The following FNDC3A variants were observed in gnomAD, a reference collection of about 807,000 sequenced individuals.
FNDC3A encodes the protein fibronectin type III domain containing 3A.
A neutral mutation model predicts 148.9 loss-of-function variants in FNDC3A; 32 were observed. The ratio of observed to expected loss-of-function variants is 0.21; its 90% CI spans 0.16 to 0.29. The LOEUF (loss-of-function observed/expected upper bound fraction) is 0.29, where lower values mean the gene tolerates loss of function less well. Among genes scored for constraint, FNDC3A ranks in the 10% least tolerant of loss-of-function variants. The probability of loss-of-function intolerance (pLI) is 1.00; values close to 1 mark genes in which losing one functional copy is unlikely to be tolerated. For missense variants in FNDC3A, 1,191 were observed against 1,452.8 expected (o/e 0.82, Z 2.93); for synonymous variants, 472 against 473.6 (o/e 1.00, Z 0.04).
chr13:49,061,273 C>G (rs986443309), intron 2 of FNDC3A, among the ~76,000 whole-genome samples: 3 of 150,664 alleles, frequency 2.0e-5, no homozygotes, highest in Admixed American at 1.3e-4. Context: ...GCATGCTTGG[C>G]TTTTTCTTTT....
intron 2 of FNDC3A, among the ~76,000 whole-genome samples, chr13:49,033,562 A>G (rs1284406024): frequency 1.3e-5 from 2 of 152,112 alleles, no homozygotes; most frequent in Non-Finnish European, 2.9e-5. Flanking sequence ...ATTGAAACAA[A>G]TTAGAATAGA....
chr13:49,114,106 C>G (rs1353140004), intron 3 of FNDC3A, among the ~76,000 whole-genome samples: 1 of 152,100 alleles, frequency 6.6e-6, no homozygotes, highest in Non-Finnish European at 1.5e-5. Context: ...ATGAGTCACA[C>G]ATTACACAAG....
At chr13:48,989,034 G>A (rs549465758) in intron 1 of FNDC3A, among the ~76,000 whole-genome samples, 108 of 152,276 alleles carry the variant, frequency 7.1e-4, no homozygotes, top group African/African-American at 2.4e-3. Flanking sequence ...AGGGCCAGAA[G>A]AAGTGCCTGT....
rs769217943 is a variant in FNDC3A, at chr13:48,981,480, C to CT, written c.-40+5316dup. 3.9e-3 allele frequency among the ~76,000 whole-genome samples: 550 copies of CT among 142,802 alleles called. 1 individual carries two copies. Among genetic ancestry groups the CT allele is most frequent in the African/African-American group, 0.012 (455 of 39,066 alleles). The allele number at this position is 142,802 out of a possible 152,430, so 93.7% of individuals were successfully genotyped here. On this transcript the variant is annotated intron_variant, in intron 1 of 25. Coordinates refer to ENST00000492622, the MANE Select transcript of FNDC3A (RefSeq NM_001079673.2). ...GCTACTATATTGGAAGCAATGCAGC[C>CT]TTTTTTTTTTTTTAAGACCAGAGTT... is the stretch of plus-strand genomic sequence containing the variant.
chr13:49,153,289 ATG>A (rs1883437924), intron 8 of FNDC3A, among the ~76,000 whole-genome samples: 1 of 151,826 alleles, frequency 6.6e-6, no homozygotes. Context: ...GCATTTTTTC[ATG>A]TGTTTTTTGG....
chr13:49,063,157 A>G lies in FNDC3A; in HGVS notation c.100-12132A>G, dbSNP rs148052757. Among the ~76,000 whole-genome samples, 30 of 152,244 alleles carry G rather than the reference A, an allele frequency of 2.0e-4. No individual in the cohort carries two copies. In the East Asian group the frequency reaches 4.0e-3, roughly 21 times the overall value. ...AACATTTCTTGCTTAACTGTACTAC[A>G]TTGCTAAGCACTGTGGGAGAATATA... On this transcript the variant is annotated intron_variant, in intron 2 of 25. Transcript: ENST00000492622.
At position 49,012,917 on chromosome 13, in the gene FNDC3A, A is replaced by C. The variant is rs74860152; in HGVS notation, c.99+6628A>C. ...CTTCAATATCCAGCAACCTTGCTATACTCTTACTCATTTTGAGACTTGTTC... is the reference window on the plus strand; with the variant it reads ...CTTCAATATCCAGCAACCTTGCTATCCTCTTACTCATTTTGAGACTTGTTC... On this transcript the variant is annotated intron_variant, in intron 2 of 25. Transcript: ENST00000492622. Among the ~76,000 whole-genome samples the C allele has an allele frequency of 6.6e-5, 10 of 151,278 alleles. No individual in the cohort carries two copies. The East Asian group carries it at 2.0e-3, about 30-fold the overall frequency.
chr13:49,086,490 C>T (rs965945961), intron 3 of FNDC3A, among the ~76,000 whole-genome samples: 6 of 152,066 alleles, frequency 3.9e-5, no homozygotes, highest in African/African-American at 4.8e-5. Flanking sequence ...TTTAATAATA[C>T]GGAGATTGAT....
chr13:49,186,060 G>A lies in FNDC3A; in HGVS notation c.1714G>A (p.Val572Met). 6.2e-7 allele frequency: 1 copy of A among 1,613,152 alleles called. No individual in the cohort carries two copies. Among genetic ancestry groups the A allele is most frequent in the Non-Finnish European group, 8.5e-7 (1 of 1,179,272 alleles). ...DKPGIPVKPS[V>M]KGKIHSHSFK... ...ACCAGGCATACCTGTAAAGCCTTCAGTGAAAGGAAAGATACATTCACACAG... is the reference window on the plus strand; with the variant it reads ...ACCAGGCATACCTGTAAAGCCTTCAATGAAAGGAAAGATACATTCACACAG... The change falls in exon 15 of 26, where the codon GTG becomes ATG. Residue 572 changes from valine to methionine, a missense_variant. Transcript: ENST00000492622.
chr13:49,023,003 G>T (rs940514197), intron 2 of FNDC3A, among the ~76,000 whole-genome samples: 1 of 151,920 alleles, frequency 6.6e-6, no homozygotes, highest in Non-Finnish European at 1.5e-5. Flanking sequence ...ATTAAGCTAG[G>T]TTGTCCTGGA....
chr13:49,029,743 G>A (rs1873972909), intron 2 of FNDC3A, among the ~76,000 whole-genome samples: 1 of 152,054 alleles, frequency 6.6e-6, no homozygotes, highest in Non-Finnish European at 1.5e-5. Context: ...AGACTCAAAT[G>A]ACTAAAATCA....
At chr13:48,980,730 G>T (rs1951679668) in intron 1 of FNDC3A, among the ~76,000 whole-genome samples, 1 of 152,134 alleles carries the variant, frequency 6.6e-6, no homozygotes, top group South Asian at 2.1e-4. Flanking sequence ...CCATTACCAG[G>T]TGAATAGTGA....
At chr13:49,015,771 C>T (rs1483603265) in intron 2 of FNDC3A, among the ~76,000 whole-genome samples, 22 of 147,366 alleles carry the variant, frequency 1.5e-4, no homozygotes, top group East Asian at 6.2e-4. Flanking sequence ...TTTTGAAATA[C>T]GTCCCATCAA....
intron 2 of FNDC3A, among the ~76,000 whole-genome samples, chr13:49,024,647 A>G (rs1873567745): frequency 6.6e-6 from 1 of 151,972 alleles, no homozygotes; most frequent in Non-Finnish European, 1.5e-5. Flanking sequence ...CTCTCACTAG[A>G]TGAAGAAAAA....
At chr13:49,077,782 A>T (rs2021622) in intron 3 of FNDC3A, among the ~76,000 whole-genome samples, 93,284 of 152,036 alleles carry the variant, frequency 0.61, 29,412 homozygotes, top group Non-Finnish European at 0.68. Flanking sequence ...GTATCCCACA[A>T]CTTAAAGTAA....
intron 24 of FNDC3A, among the ~76,000 whole-genome samples, 170 bp from the exon 25 acceptor site, chr13:49,202,987 G>A (rs1257948492): frequency 6.6e-6 from 1 of 152,194 alleles, no homozygotes; most frequent in Non-Finnish European, 1.5e-5. Flanking sequence ...GAATACAAGA[G>A]TGCTGATTTT....
chr13:49,075,434 G>GATACA (rs1878031482), intron 3 of FNDC3A, 70 bp downstream of exon 3: 1 of 803,712 alleles, frequency 1.2e-6, no homozygotes, highest in African/African-American at 1.8e-5. Context: ...ACATAATAGT[G>GATACA]TATATGCCTA....
chr13:49,054,835 C>G (rs1357425031), intron 2 of FNDC3A, among the ~76,000 whole-genome samples: 1 of 152,152 alleles, frequency 6.6e-6, no homozygotes. Flanking sequence ...CCCAGGGACC[C>G]TGTTTATATT....
chr13:49,158,246 G>C (rs978347592), intron 8 of FNDC3A, among the ~76,000 whole-genome samples: 1 of 152,160 alleles, frequency 6.6e-6, no homozygotes, highest in African/African-American at 2.4e-5. Context: ...TAAGCCGGTC[G>C]GAGAAGCGCA....
Sources: allele counts gnomAD v4.1 joint callset (sites outside exome capture counted in the v4.1 genomes callset), GRCh38; gene constraint gnomAD v4.1.1; transcripts MANE v1.5; gene names NCBI Gene and HGNC (gene_info 2026-07-23, HGNC 2026-07-21).